Variants in ATP8B1 observed in about 807,000 individuals in gnomAD.
ATP8B1 encodes the protein phospholipid-transporting ATPase IC.
ATP8B1 carries 80 observed loss-of-function variants against 149.9 expected under a neutral mutation model. That is an observed-to-expected ratio of 0.53 (90% CI 0.45 to 0.64). ATP8B1 has a LOEUF of 0.64. ATP8B1 is among the 30% of genes least tolerant of loss of function. ATP8B1 has a pLI of 0.00. For missense variants in ATP8B1, 1,247 were observed against 1,552.6 expected, an observed-to-expected ratio of 0.80 and a Z score of 3.31; for synonymous variants, 536 against 562.8, an observed-to-expected ratio of 0.95 and a Z score of 0.67.
intron 15 of ATP8B1, among the ~76,000 whole-genome samples, chr18:57,679,590 C>G (rs189795468): frequency 1.2e-4 from 18 of 152,274 alleles, no homozygotes; most frequent in African/African-American, 4.3e-4. Flanking sequence ...AACCTGATTC[C>G]CTAGCTTCAG....
intron 1 of ATP8B1, among the ~76,000 whole-genome samples, chr18:57,764,380 T>C (rs1276231499): frequency 6.6e-6 from 1 of 150,518 alleles, no homozygotes; most frequent in East Asian, 1.9e-4. Context: ...TTTCTTTCTC[T>C]TTTTCTCTCT....
At chr18:57,678,928 G>T (rs1475863432) in intron 15 of ATP8B1, among the ~76,000 whole-genome samples, 2 of 57,634 alleles carry the variant, frequency 3.5e-5, no homozygotes, top group African/African-American at 1.3e-4. Flanking sequence ...AAAAAGAAGA[G>T]AAAAGAAAAG....
intron 1 of ATP8B1, among the ~76,000 whole-genome samples, chr18:57,754,457 T>A (rs1356461449): frequency 5.3e-5 from 8 of 151,560 alleles, no homozygotes; most frequent in Non-Finnish European, 1.2e-4. Flanking sequence ...TATATATATA[T>A]ATATATTATG....
At chr18:57,740,958 A>G (rs1348782263) in intron 1 of ATP8B1, 1 of 150,746 alleles carries the variant, frequency 6.6e-6, no homozygotes, top group Non-Finnish European at 1.5e-5. Flanking sequence ...ATTTTTTGAG[A>G]TGGAGTCTTG....
At position 57,688,325 on chromosome 18, in the gene ATP8B1, T is replaced by G; in HGVS notation, c.1403A>C (p.Lys468Thr). 1 of 1,614,186 alleles carries G rather than the reference T, an allele frequency of 6.2e-7. No individual in the cohort carries two copies. Among genetic ancestry groups the G allele is most frequent in the Non-Finnish European group, 8.5e-7 (1 of 1,180,026 alleles). The change falls in exon 13 of 28, where the codon AAG becomes ACG. Residue 468 changes from lysine (K) to threonine (T), a missense_variant. By Grantham distance (78) the Lys-to-Thr change is moderately conservative. This residue lies in a region of ATP8B1 where 853 missense variants were observed against 1,035.7 expected (regional missense o/e 0.82). Transcript: ENST00000648908. ...TLTQNIMTFK[K>T]CCINGQIYGD... ...ATATATCTGCCCGTTGATACAGCAC[T>G]TTTTAAAGGTCATGATATTTTGTGT...
At position 57,716,708 on chromosome 18, in the gene ATP8B1, G is replaced by A. The variant is rs146474970; in HGVS notation, c.182-10121C>T. Among the ~76,000 whole-genome samples, 85 of 152,300 alleles carry A rather than the reference G, an allele frequency of 5.6e-4. No individual in the cohort carries two copies. In the East Asian group the frequency reaches 0.016, roughly 28 times the overall value. ...GCAAATATTACTAGAGCTAAAGAGA[G>A]TGATAGACCCCAGTAAAATAATAGC... On this transcript the variant is annotated intron_variant, in intron 2 of 27. Transcript: ENST00000648908.
intron 1 of ATP8B1, chr18:57,737,006 A>C (rs2079863665): frequency 6.6e-6 from 1 of 152,150 alleles, no homozygotes; most frequent in Admixed American, 6.6e-5. Flanking sequence ...TTACCATTTT[A>C]GCCATTTTGT....
chr18:57,670,004 TC>T (rs1224898744), intron 17 of ATP8B1, among the ~76,000 whole-genome samples: 1 of 152,162 alleles, frequency 6.6e-6, no homozygotes, highest in East Asian at 1.9e-4. Flanking sequence ...GGACTGCACT[TC>T]CAGTTTCCAA....
intron 2 of ATP8B1, among the ~76,000 whole-genome samples, chr18:57,717,816 AC>A (rs1316370542): frequency 1.3e-5 from 2 of 150,958 alleles, no homozygotes; most frequent in Non-Finnish European, 3.0e-5. Flanking sequence ...GCTCACTGCA[AC>A]CTCCGCCTCC....
At chr18:57,661,638 TATACACACGCAC>T (rs1174569662) in intron 21 of ATP8B1, among the ~76,000 whole-genome samples, 176 bp from the exon 22 acceptor site, 1 of 137,054 alleles carries the variant, frequency 7.3e-6, no homozygotes, top group East Asian at 2.2e-4. Flanking sequence ...TGTGTATGTA[TATACACACGCAC>T]ACATATATGT....
At chr18:57,715,966 G>A (rs191868209) in intron 2 of ATP8B1, among the ~76,000 whole-genome samples, 16 of 152,214 alleles carry the variant, frequency 1.1e-4, no homozygotes, top group African/African-American at 3.9e-4. Flanking sequence ...ACTGTGACAT[G>A]TAAACTACTC....
At chr18:57,703,485 G>A (rs1599134176) in intron 4 of ATP8B1, among the ~76,000 whole-genome samples, 2 of 151,102 alleles carry the variant, frequency 1.3e-5, no homozygotes, top group African/African-American at 2.4e-5. Context: ...CAGGAGAATC[G>A]CTTGAACCCA....
chr18:57,694,621 T>A lies in ATP8B1; in HGVS notation c.990A>T (p.Arg330Ser), dbSNP rs1281922730. Residue 330 changes from arginine to serine, a missense_variant, in exon 11 of 28, where the codon AGA becomes AGT. This residue lies in a region of ATP8B1 where 853 missense variants were observed against 1,035.7 expected (regional missense o/e 0.82). Coordinates refer to ENST00000648908, the MANE Select transcript of ATP8B1 (RefSeq NM_001374385.1). ...AGTTCATCAAGTAATCAATTTTAGT[T>A]CTTTTAAATCTGGTTTTCCCACTAT... ...MKNSGKTRFK[R>S]TKIDYLMNYM... 6.3e-7 allele frequency: 1 copy of A among 1,594,708 alleles called. No homozygotes were observed. Among genetic ancestry groups the A allele is most frequent in the Non-Finnish European group, 8.6e-7 (1 of 1,162,590 alleles).
chr18:57,673,218 C>CA (rs1911377664), intron 16 of ATP8B1, among the ~76,000 whole-genome samples: 1 of 151,572 alleles, frequency 6.6e-6, no homozygotes, highest in South Asian at 2.1e-4. Flanking sequence ...TTAAAAATAT[C>CA]AATGGATGAA....
intron 1 of ATP8B1, chr18:57,738,135 C>T (rs1238884466): frequency 6.6e-6 from 1 of 152,162 alleles, no homozygotes; most frequent in Non-Finnish European, 1.5e-5. Flanking sequence ...TCCCTAAGGT[C>T]AGGTGCTGTG....
Position 57,688,422 on chromosome 18 carries a change from C to G in ATP8B1, c.1306G>C (p.Ala436Pro). 3 of 1,614,166 alleles carry G rather than the reference C, an allele frequency of 1.9e-6. No individual in the cohort carries two copies. The highest frequency in any genetic ancestry group is 2.5e-6 in the Non-Finnish European group (3 of 1,180,022). The change falls in exon 13 of 28, where the codon GCT becomes CCT. Residue 436 changes from alanine to proline, a missense_variant. By Grantham distance (27) the Ala-to-Pro change is conservative. Around this residue, in one of 3 missense-constraint regions of ATP8B1, gnomAD observed 853 missense variants for 1,035.7 expected, o/e 0.82. Coordinates refer to ENST00000648908, the MANE Select transcript of ATP8B1 (RefSeq NM_001374385.1). ...YYAEKDTPAK[A>P]RTTTLNEQLG... ...TGTTCATTGAGTGTGGTGGTTCTAG[C>G]TTTTGCGGGTGTGTCCTTCTCAGCA...
At chr18:57,709,997 C>CT (rs60041581) in intron 2 of ATP8B1, among the ~76,000 whole-genome samples, 10,458 of 141,810 alleles carry the variant, frequency 0.074, 724 homozygotes, top group East Asian at 0.28. Flanking sequence ...CTTTTCTTTT[C>CT]TTTTTTTTTT....
In ATP8B1 at chr18:57,652,192, A is replaced by G. The variant is rs1909665382; in HGVS notation, c.3262-20T>C. On this transcript the variant is annotated intron_variant, in intron 25 of 27. Transcript: ENST00000648908. ...GCCAATCTGTTGGGAAACCAGAGAA[A>G]AACAGAGCACTCATTTTGGGGAGTT... The G allele has an allele frequency of 7.4e-6, 12 of 1,613,826 alleles. No homozygotes were observed. Among genetic ancestry groups the G allele is most frequent in the Non-Finnish European group, 9.3e-6 (11 of 1,179,840 alleles).
intron 1 of ATP8B1, among the ~76,000 whole-genome samples, chr18:57,789,970 T>C (rs1443565709): frequency 6.6e-6 from 1 of 152,158 alleles, no homozygotes; most frequent in Non-Finnish European, 1.5e-5. Context: ...TCACCAATGC[T>C]TGACCCCCGA....
Sources: gnomAD v4.1 joint callset for allele counts (sites outside exome capture counted in the v4.1 genomes callset) on GRCh38, gnomAD v4.1.1 for gene constraint, gnomAD v4.1.1 regional missense constraint, MANE v1.5 for transcripts, NCBI Gene and HGNC (gene_info 2026-07-23, HGNC 2026-07-21) for gene names.